The following NFIC variants were observed in gnomAD, a reference collection of about 807,000 sequenced individuals.
The protein encoded by NFIC is nuclear factor I C.
Under a neutral mutation model 54.4 loss-of-function variants are expected in NFIC, and 12 were observed. The observed-to-expected ratio is 0.22, with a 90% confidence interval of 0.14 to 0.36. The LOEUF is 0.36. NFIC is among the 10% of genes least tolerant of loss of function. The probability of loss-of-function intolerance (pLI) is 1.00; values close to 1 mark genes in which losing one functional copy is unlikely to be tolerated. For synonymous variants in NFIC, 322 were observed against 319.2 expected, an observed-to-expected ratio of 1.01 and a Z score of -0.09; for missense variants, 575 against 718.2, an observed-to-expected ratio of 0.80 and a Z score of 2.28.
At chr19:3,405,590 AATTTATTT>A (rs879548915) in intron 2 of NFIC, among the ~76,000 whole-genome samples, 1 of 151,198 alleles carries the variant, frequency 6.6e-6, no homozygotes, top group Non-Finnish European at 1.5e-5. Flanking sequence ...TATTTAATTT[AATTTATTT>A]ATTTATTTAT....
rs1265747511 is a variant in NFIC at position 3,416,055 on chromosome 19, TG to T, written c.563-9048del. ...CCACAAGCCTGTAGCCCCGGCTACT[TG>T]GGAAAAGAAGGCAAGAGAATCACTT... On this transcript the variant is annotated intron_variant, in intron 2 of 10. Coordinates refer to ENST00000443272, the MANE Select transcript of NFIC (RefSeq NM_001245002.2). Among the ~76,000 whole-genome samples, 3 of 151,290 alleles carry T rather than the reference TG, an allele frequency of 2.0e-5. No homozygotes were observed. The Admixed American group carries it at 2.0e-4, about 10-fold the overall frequency.
chr19:3,376,968 GATCCACCCACCTCGGCCTCCCAA>G (rs2081119054), intron 1 of NFIC, among the ~76,000 whole-genome samples: 1 of 151,590 alleles, frequency 6.6e-6, no homozygotes, highest in Non-Finnish European at 1.5e-5. Context: ...GACCTCAGAT[GATCCACCCACCTCGGCCTCCCAA>G]AGTGCTGGGA....
At chr19:3,359,855 T>TCCCCCCCCGCA in intron 1 of NFIC, among the ~76,000 whole-genome samples, 1 of 145,472 alleles carries the variant, frequency 6.9e-6, no homozygotes, top group East Asian at 2.1e-4. Flanking sequence ...CTACCCACGA[T>TCCCCCCCCGCA]CCCCCCCCGC....
intron 3 of NFIC, among the ~76,000 whole-genome samples, chr19:3,432,432 G>A (rs2082134186): frequency 6.6e-6 from 1 of 152,168 alleles, no homozygotes; most frequent in South Asian, 2.1e-4. Context: ...CTCCCAGTCT[G>A]AAGGGGAGAA....
At chr19:3,409,399 C>T (rs967733714) in intron 2 of NFIC, among the ~76,000 whole-genome samples, 1 of 152,154 alleles carries the variant, frequency 6.6e-6, no homozygotes, top group African/African-American at 2.4e-5. Context: ...ATTCTGCCTT[C>T]CGCCAGTTTC....
intron 7 of NFIC, among the ~76,000 whole-genome samples, chr19:3,450,598 T>A (rs1251996579): frequency 6.6e-6 from 1 of 151,856 alleles, no homozygotes; most frequent in African/African-American, 2.4e-5. Context: ...GAGGCTGCAG[T>A]GAGCCAAGAT....
chr19:3,366,615 TGCGCCTCCCGCC>T lies in NFIC; in HGVS notation c.-16_-5del. ...TCAGCGCGCCCGCTCCGGCCGGCCC[TGCGCCTCCCGCC>T]GCGCCCGGGATGTATTCGTCCCCGC... On this transcript the variant is annotated 5_prime_UTR_variant, in exon 1 of 11. Transcript: ENST00000443272. The T allele has an allele frequency of 6.7e-7, 1 of 1,491,322 alleles. No homozygotes were observed. The highest frequency in any genetic ancestry group is 8.9e-7 in the Non-Finnish European group (1 of 1,123,756). The allele number at this position is 1,491,322 out of a possible 1,614,324, so 92.4% of individuals were successfully genotyped here.
chr19:3,394,566 C>T (rs1338393496), intron 2 of NFIC, among the ~76,000 whole-genome samples: 1 of 125,414 alleles, frequency 8.0e-6, no homozygotes, highest in South Asian at 2.8e-4. Context: ...GGACAGACCA[C>T]ATTTCAAGCA....
At position 3,459,439 on chromosome 19, in the gene NFIC, A is replaced by G. The variant is rs2082609076; in HGVS notation, c.1509+2804A>G. Among the ~76,000 whole-genome samples the G allele has an allele frequency of 1.3e-5, 2 of 151,526 alleles. No individual in the cohort carries two copies. The highest frequency in any genetic ancestry group is 4.9e-5 in the African/African-American group (2 of 40,862). On this transcript the variant is annotated intron_variant, in intron 10 of 10. Transcript: ENST00000443272. The surrounding 1 kb of genome is among the most constrained non-coding windows in gnomAD (Gnocchi z 4.2). ...TTTCTCCTGCACGGGAACCCACGTA[A>G]GCAGCTGGGTAAACCGAGGGTGGGG...
At chr19:3,421,699 G>C (rs1185772833) in intron 2 of NFIC, among the ~76,000 whole-genome samples, 1 of 152,194 alleles carries the variant, frequency 6.6e-6, no homozygotes, top group Non-Finnish European at 1.5e-5. Flanking sequence ...CCATTAGCAC[G>C]GCGCCAGGCT....
intron 2 of NFIC, among the ~76,000 whole-genome samples, chr19:3,414,871 G>A (rs186718749): frequency 6.6e-5 from 10 of 151,946 alleles, no homozygotes; most frequent in East Asian, 1.9e-4. Flanking sequence ...ACAGAGGCTC[G>A]CTCTGTGGCC....
At position 3,381,958 on chromosome 19, in the gene NFIC, G is replaced by T. The variant is rs776357825; in HGVS notation, c.277G>T (p.Val93Leu). 1.2e-6 allele frequency: 2 copies of T among 1,613,426 alleles called. No homozygotes were observed. Among genetic ancestry groups the T allele is most frequent in the Non-Finnish European group, 1.7e-6 (2 of 1,179,936 alleles). ...CCGGCCCGAGTGCCGCGAGGACTTC[G>T]TGCTGAGCATCACCGGCAAGAAGGC... is the stretch of plus-strand genomic sequence containing the variant. ...DIRPECREDF[V>L]LSITGKKAPG... is the part of the protein sequence containing the mutation. Residue 93 changes from valine to leucine, a missense_variant, in exon 2 of 11, where the codon GTG becomes TTG. Coordinates refer to ENST00000443272, the MANE Select transcript of NFIC (RefSeq NM_001245002.2).
intron 10 of NFIC, among the ~76,000 whole-genome samples, chr19:3,462,065 A>AT (rs1235415396): frequency 6.6e-6 from 1 of 151,136 alleles, no homozygotes; most frequent in Non-Finnish European, 1.5e-5. Flanking sequence ...TAAATAAATA[A>AT]ATAATATAAT....
At chr19:3,383,744 A>G (rs1285861374) in intron 2 of NFIC, among the ~76,000 whole-genome samples, 1 of 152,188 alleles carries the variant, frequency 6.6e-6, no homozygotes, top group Non-Finnish European at 1.5e-5. Context: ...ACGCAGACCC[A>G]CACAGGTCAC....
intron 2 of NFIC, among the ~76,000 whole-genome samples, chr19:3,421,190 CACTT>C (rs1599657021): frequency 1.3e-5 from 2 of 152,262 alleles, no homozygotes. Flanking sequence ...TGGGGCCTGA[CACTT>C]AGTAGGTGCC....
chr19:3,423,613 G>A (rs2081985605), intron 2 of NFIC, among the ~76,000 whole-genome samples: 1 of 152,152 alleles, frequency 6.6e-6, no homozygotes, highest in Admixed American at 6.6e-5. Context: ...CAGAGGGGGC[G>A]GATGTGACTC....
At chr19:3,451,933 A>G (rs991367865) in intron 7 of NFIC, among the ~76,000 whole-genome samples, 2 of 152,234 alleles carry the variant, frequency 1.3e-5, no homozygotes, top group Non-Finnish European at 2.9e-5. Flanking sequence ...CCTGGCCAAC[A>G]TGGCGAAACC....
At chr19:3,420,091 A>G (rs1052172159) in intron 2 of NFIC, among the ~76,000 whole-genome samples, 1 of 152,058 alleles carries the variant, frequency 6.6e-6, no homozygotes, top group African/African-American at 2.4e-5. Context: ...GAGACCAAAG[A>G]GAGTGGATCG....
chr19:3,438,259 G>T (rs536027051), intron 6 of NFIC, among the ~76,000 whole-genome samples: 25 of 148,056 alleles, frequency 1.7e-4, no homozygotes, highest in African/African-American at 5.7e-4. Flanking sequence ...CCTTCCACTG[G>T]GGAAGGAGGT....
Sources: gnomAD v4.1 joint callset for allele counts (sites outside exome capture counted in the v4.1 genomes callset) on GRCh38, gnomAD v4.1.1 for gene constraint, Gnocchi (gnomAD v3.1) non-coding constraint, MANE v1.5 for transcripts, NCBI Gene and HGNC (gene_info 2026-07-23, HGNC 2026-07-21) for gene names.